The following RAC2 variants were observed in gnomAD, a reference collection of about 807,000 sequenced individuals.
RAC2 encodes ras-related C3 botulinum toxin substrate 2.
RAC2 carries 1 observed loss-of-function variant against 24.0 expected under a neutral mutation model. That is an observed-to-expected ratio of 0.04 (90% CI 0.01 to 0.20). The LOEUF (loss-of-function observed/expected upper bound fraction) is 0.20, where lower values mean the gene tolerates loss of function less well. Among genes scored for constraint, RAC2 ranks in the 10% least tolerant of loss-of-function variants. The pLI is 1.00. For missense variants in RAC2, 130 were observed against 259.1 expected (o/e 0.50, Z 3.42); for synonymous variants, 114 against 106.8 (o/e 1.07, Z -0.41).
At chr22:37,241,705 G>A (rs772523685) in intron 1 of RAC2, 47 bp from the exon 2 acceptor site, 3 of 1,542,420 alleles carry the variant, frequency 1.9e-6, no homozygotes, top group South Asian at 1.1e-5. Context: ...GGCTCTGCCG[G>A]AGACGTGGGG....
rs776796919 is a variant in RAC2 at position 37,232,869 on chromosome 22, G to T, written c.157C>A (p.Leu53Met). 6.2e-7 allele frequency: 1 copy of T among 1,614,138 alleles called. No homozygotes were observed. The highest frequency in any genetic ancestry group is 8.5e-7 in the Non-Finnish European group (1 of 1,180,030). ...NVMVDSKPVNLGLWDTAGQED... is the reference protein window; with the variant it reads ...NVMVDSKPVNMGLWDTAGQED... The stretch of plus-strand genomic sequence containing the variant: ...TGCCCAGCAGTGTCCCACAGCCCCA[G>T]GTTCACTGGCTTGCTGTCCACCATC... The change falls in exon 3 of 7, where the codon CTG becomes ATG. Residue 53 changes from leucine (L) to methionine (M), a missense_variant. Transcript: ENST00000249071.
At position 37,226,821 on chromosome 22, in the gene RAC2, C is replaced by A. The variant is rs73889256; in HGVS notation, c.449-18G>T. 7.3e-4 allele frequency: 1,172 copies of A among 1,610,294 alleles called. 11 individuals are homozygous for A. The African/African-American group carries it at 0.014, about 19-fold the overall frequency. The stretch of plus-strand genomic sequence containing the variant: ...CACCGAGTCTGGTTGGGGAGATGGA[C>A]AGGAGAGCCAAGGCCTAAGTGGCGG... On this transcript the variant is annotated intron_variant, in intron 5 of 6. Transcript: ENST00000249071.
At chr22:37,232,958 A>T in intron 2 of RAC2, 40 bp from the exon 3 acceptor site, 4 of 1,440,522 alleles carry the variant, frequency 2.8e-6, no homozygotes, top group Non-Finnish European at 3.9e-6. Flanking sequence ...GTCAATCTCA[A>T]ACCCCAGAAC....
chr22:37,232,361 A>T (rs1927091754), intron 3 of RAC2: 1 of 435,324 alleles, frequency 2.3e-6, no homozygotes, highest in African/African-American at 2.0e-5. Flanking sequence ...ACTCCAATCC[A>T]TATACTATCC....
At position 37,244,134 on chromosome 22, in the gene RAC2, C is replaced by T; in HGVS notation, c.15G>A (p.Lys5=). 6.2e-7 allele frequency: 1 copy of T among 1,614,224 alleles called. No homozygotes were observed. The highest frequency in any genetic ancestry group is 8.5e-7 in the Non-Finnish European group (1 of 1,180,010). Residue 5 remains lysine (K), a synonymous_variant, in exon 1 of 7, where the codon AAG becomes AAA. Transcript: ENST00000249071. Reference sequence around the variant, plus strand: ...CCTACCCATCTCCCACCACCACACACTTGATGGCCTGCATCGTGTCCGGAG... The same window carrying T: ...CCTACCCATCTCCCACCACCACACATTTGATGGCCTGCATCGTGTCCGGAG... MQAI[K]CVVVGDGAVG...
chr22:37,233,575 G>A (rs1462710493), intron 2 of RAC2, among the ~76,000 whole-genome samples: 1 of 152,208 alleles, frequency 6.6e-6, no homozygotes, highest in Non-Finnish European at 1.5e-5. Context: ...GAGCCACTGC[G>A]CCCAGCCGCA....
rs1453694992 is a variant in RAC2, at chr22:37,225,292, T to C, written c.*750A>G. 6.6e-6 allele frequency: 1 copy of C among 152,232 alleles called. No individual in the cohort carries two copies. The highest frequency in any genetic ancestry group is 6.5e-5 in the Admixed American group (1 of 15,280). 9.4% of individuals were successfully genotyped at this position (152,232 alleles called of 1,614,324 possible). ...AACTTGAATCAATAAATTTATTTTC[T>C]GCTTAAGCAGGTTGAGTTGGGTTTT... On this transcript the variant is annotated 3_prime_UTR_variant, in exon 7 of 7. Transcript: ENST00000249071.
chr22:37,238,516 A>T (rs1216827394), intron 2 of RAC2, among the ~76,000 whole-genome samples: 5 of 152,222 alleles, frequency 3.3e-5, no homozygotes, highest in Non-Finnish European at 7.3e-5. Context: ...CTGGGATTAC[A>T]GGCATGAGCC....
chr22:37,231,972 G>T lies in RAC2; in HGVS notation c.248C>A (p.Ser83Tyr). 6.4e-7 allele frequency: 1 copy of T among 1,552,222 alleles called. No individual in the cohort carries two copies. The highest frequency in any genetic ancestry group is 1.4e-5 in the African/African-American group (1 of 73,044). ...CTCATAAGAGGCTGGGCTGACGAGG[G>T]AGAAGCAGATGAGGAAGACGTCCTG... ...PQTDVFLICF[S>Y]LVSPASYENV... Residue 83 changes from serine to tyrosine, a missense_variant, in exon 4 of 7, where the codon TCC becomes TAC. Ser to Tyr is a moderately radical substitution (Grantham distance 144, BLOSUM62 -2). Coordinates refer to ENST00000249071, the MANE Select transcript of RAC2 (RefSeq NM_002872.5). This position sits in a 1 kb window ranked among gnomAD's most constrained non-coding sequence, Gnocchi z 5.5.
chr22:37,232,993 G>T lies in RAC2; in HGVS notation c.108-75C>A, dbSNP rs949864455. 13 of 1,136,402 alleles carry T rather than the reference G, an allele frequency of 1.1e-5. No individual in the cohort carries two copies. The African/African-American group carries it at 2.0e-4, about 17-fold the overall frequency. 70.4% of individuals were successfully genotyped at this position (1,136,402 alleles called of 1,614,324 possible). On this transcript the variant is annotated intron_variant, in intron 2 of 6. Coordinates refer to ENST00000249071, the MANE Select transcript of RAC2 (RefSeq NM_002872.5). ...CCTGGGAATTGTGGTCCAGCTCCAT[G>T]TCATTCCTCGGAGGCTGAGACCTAG...
intron 5 of RAC2, among the ~76,000 whole-genome samples, chr22:37,230,484 C>T (rs1927025278): frequency 6.6e-6 from 1 of 152,074 alleles, no homozygotes; most frequent in Admixed American, 6.5e-5. Context: ...GCCTGGGTAC[C>T]ATGCATGAAG....
chr22:37,239,118 C>G (rs1488646475), intron 2 of RAC2, among the ~76,000 whole-genome samples: 1 of 152,146 alleles, frequency 6.6e-6, no homozygotes, highest in African/African-American at 2.4e-5. Context: ...GACTATTTTA[C>G]CCTCCCTTCA....
chr22:37,244,042 A>C, intron 1 of RAC2, 72 bp downstream of exon 1: 1 of 1,591,388 alleles, frequency 6.3e-7, no homozygotes, highest in Non-Finnish European at 8.6e-7. Context: ...GGGCTTCCCC[A>C]GGGGCACCAG....
At chr22:37,232,333 T>C in intron 3 of RAC2, 1 of 460,180 alleles carries the variant, frequency 2.2e-6, no homozygotes, top group African/African-American at 2.0e-5. Flanking sequence ...GGGGAGGATC[T>C]GGGATTCTAG....
chr22:37,234,858 T>C (rs1341841430), intron 2 of RAC2, among the ~76,000 whole-genome samples: 2 of 152,152 alleles, frequency 1.3e-5, no homozygotes, highest in East Asian at 1.9e-4. Flanking sequence ...CTTCTATTCA[T>C]GCTTCAAAAC....
chr22:37,232,883 C>T lies in RAC2; in HGVS notation c.143G>A (p.Ser48Asn), dbSNP rs1425346700. ...DNYSANVMVD[S>N]KPVNLGLWDT... ...CCACAGCCCCAGGTTCACTGGCTTGCTGTCCACCATCACATTGGCTGAATA... is the reference window on the plus strand; with the variant it reads ...CCACAGCCCCAGGTTCACTGGCTTGTTGTCCACCATCACATTGGCTGAATA... The change falls in exon 3 of 7, where the codon AGC becomes AAC. Residue 48 changes from serine to asparagine, a missense_variant. This residue lies in a region of RAC2 where 11 missense variants were observed against 67.0 expected (regional missense o/e 0.16). Transcript: ENST00000249071. 1 of 1,614,118 alleles carries T rather than the reference C, an allele frequency of 6.2e-7. No individual in the cohort carries two copies. The highest frequency in any genetic ancestry group is 8.5e-7 in the Non-Finnish European group (1 of 1,180,018).
At position 37,241,006 on chromosome 22, in the gene RAC2, A is replaced by C. The variant is rs781564729; in HGVS notation, c.107+581T>G. ...TGAGTGCCATGCTAGGGAGTCGGGG[A>C]AATGTCCTAGGAGTGATGGGGACCC... On this transcript the variant is annotated intron_variant, in intron 2 of 6. Coordinates refer to ENST00000249071, the MANE Select transcript of RAC2 (RefSeq NM_002872.5). The C allele has an allele frequency of 1.4e-4, 101 of 716,632 alleles. No homozygotes were observed. In the South Asian group the frequency reaches 1.5e-3, roughly 10 times the overall value. 44.4% of individuals were successfully genotyped at this position (716,632 alleles called of 1,614,324 possible). A position where few individuals can be genotyped will look rare whatever the true frequency, so the allele number is the denominator to read the frequency against.
chr22:37,231,840 C>T lies in RAC2; in HGVS notation c.288+92G>A, dbSNP rs1601671933. ...CCCTCTCTGTATGCGACCTCTGCTGCCCCAGGGACCAGCCTAGAGTCACCA... is the reference window on the plus strand; with the variant it reads ...CCCTCTCTGTATGCGACCTCTGCTGTCCCAGGGACCAGCCTAGAGTCACCA... On this transcript the variant is annotated intron_variant, in intron 4 of 6. Coordinates refer to ENST00000249071, the MANE Select transcript of RAC2 (RefSeq NM_002872.5). This position sits in a 1 kb window ranked among gnomAD's most constrained non-coding sequence, Gnocchi z 5.5. 53 of 1,421,922 alleles carry T rather than the reference C, an allele frequency of 3.7e-5. 2 individuals carry two copies. In the South Asian group the frequency reaches 5.8e-4, roughly 15 times the overall value. 88.1% of individuals were successfully genotyped at this position (1,421,922 alleles called of 1,614,324 possible). A position where few individuals can be genotyped will look rare whatever the true frequency, so the allele number is the denominator to read the frequency against.
intron 2 of RAC2, 150 bp from the exon 3 acceptor site, chr22:37,233,068 C>A (rs756464761): frequency 1.5e-6 from 1 of 689,286 alleles, no homozygotes; most frequent in Non-Finnish European, 2.7e-6. Flanking sequence ...AATTGGGTTT[C>A]TTTATTTGTT....
Sources: gnomAD v4.1 joint callset for allele counts (sites outside exome capture counted in the v4.1 genomes callset) on GRCh38, gnomAD v4.1.1 for gene constraint, gnomAD v4.1.1 regional missense constraint, Gnocchi (gnomAD v3.1) non-coding constraint, MANE v1.5 for transcripts, NCBI Gene and HGNC (gene_info 2026-07-23, HGNC 2026-07-21) for gene names.